RCN2: variants seen among roughly 807,000 people sequenced by gnomAD.
The protein encoded by RCN2 is reticulocalbin 2.
In RCN2, 23 loss-of-function variants were observed where a neutral mutation model predicts 37.5. The ratio of observed to expected loss-of-function variants is 0.61; its 90% CI spans 0.44 to 0.87. RCN2 has a LOEUF of 0.87. Among genes scored for constraint, RCN2 ranks in the 40% least tolerant of loss-of-function variants. The pLI is 0.00. For synonymous variants in RCN2, 140 were observed against 144.6 expected (o/e 0.97, Z 0.23); for missense variants, 381 against 390.4 (o/e 0.98, Z 0.20).
chr15:76,939,373 TGAA>T (rs941867272), intron 3 of RCN2, among the ~76,000 whole-genome samples: 5 of 152,116 alleles, frequency 3.3e-5, no homozygotes, highest in African/African-American at 4.8e-5. Flanking sequence ...AAAAGAATAT[TGAA>T]GAAAGCATTT....
intron 3 of RCN2, chr15:76,943,430 G>A: frequency 1.0e-5 from 2 of 197,504 alleles, no homozygotes; most frequent in African/African-American, 2.3e-5. Flanking sequence ...GTTTATTAAT[G>A]GTGTGGTAGG....
chr15:76,948,977 C>A, intron 6 of RCN2, 93 bp from the exon 7 acceptor site: 1 of 1,155,876 alleles, frequency 8.7e-7, no homozygotes, highest in Non-Finnish European at 1.2e-6. Context: ...ACTTGTACAC[C>A]TGGATGATTT....
At chr15:76,932,249 G>A in intron 1 of RCN2, 112 bp from the exon 2 acceptor site, 1 of 854,180 alleles carries the variant, frequency 1.2e-6, no homozygotes, top group Non-Finnish European at 1.9e-6. Flanking sequence ...GCAGGTGCGG[G>A]TCACCCCGAA....
chr15:76,944,432 T>C (rs928645542), intron 4 of RCN2, among the ~76,000 whole-genome samples: 1 of 152,192 alleles, frequency 6.6e-6, no homozygotes, highest in African/African-American at 2.4e-5. Context: ...CTACTGACTA[T>C]AGTCAACCCT....
At chr15:76,941,207 A>G (rs1369878610) in intron 3 of RCN2, among the ~76,000 whole-genome samples, 1 of 151,858 alleles carries the variant, frequency 6.6e-6, no homozygotes, top group Admixed American at 6.6e-5. Flanking sequence ...CTAATTTTTT[A>G]GTAGAGATGG....
chr15:76,949,316 C>A lies in RCN2; in HGVS notation c.*94C>A, dbSNP rs2075309578. ...AAATATTGATGTTGTATTTTACACT[C>A]TTAAGTCTTAACCACAGTCAGAATT... On this transcript the variant is annotated 3_prime_UTR_variant, in exon 7 of 7. Transcript: ENST00000394885. 2.3e-6 allele frequency: 2 copies of A among 866,628 alleles called. No homozygotes were observed. Among genetic ancestry groups the A allele is most frequent in the African/African-American group, 1.7e-5 (1 of 58,126 alleles). 53.7% of individuals were successfully genotyped at this position (866,628 alleles called of 1,614,324 possible).
chr15:76,947,306 G>A, intron 4 of RCN2, 115 bp from the exon 5 acceptor site: 1 of 642,798 alleles, frequency 1.6e-6, no homozygotes, highest in Non-Finnish European at 2.7e-6. Context: ...CACCACTAGA[G>A]CTCCAAAAAT....
intron 4 of RCN2, among the ~76,000 whole-genome samples, chr15:76,946,399 T>C (rs1458946472): frequency 1.3e-5 from 2 of 151,834 alleles, no homozygotes; most frequent in Non-Finnish European, 2.9e-5. Flanking sequence ...GATGCCACTA[T>C]TATTGTGCCA....
intron 3 of RCN2, chr15:76,938,731 ATG>A (rs2075263888): frequency 4.4e-6 from 2 of 455,778 alleles, no homozygotes; most frequent in Admixed American, 2.4e-5. Flanking sequence ...TACAGCATCA[ATG>A]TGGAGGTTTG....
intron 3 of RCN2, chr15:76,941,760 C>CT (rs368257080): frequency 0.13 from 68,194 of 545,510 alleles, 2 homozygotes; most frequent in East Asian, 0.18. Flanking sequence ...ACCCCCTTCA[C>CT]TTTTTTTTTT....
rs1384590956 is a variant in RCN2, at chr15:76,953,562, TA to T, written c.*4341del. 2.4e-3 allele frequency: 33 copies of T among 13,818 alleles called. No individual in the cohort carries two copies. Among genetic ancestry groups the T allele is most frequent in the African/African-American group, 0.011 (33 of 2,948 alleles). The allele number at this position is 13,818 out of a possible 1,614,324, so 0.9% of individuals were successfully genotyped here. The stretch of plus-strand genomic sequence containing the variant: ...CTGGATCATATAGTAATTCTATATA[TA>T]TATATATATATATATATATATATAT... On this transcript the variant is annotated 3_prime_UTR_variant, in exon 7 of 7. Coordinates refer to ENST00000394885, the MANE Select transcript of RCN2 (RefSeq NM_002902.3).
chr15:76,935,831 C>T, intron 3 of RCN2, 109 bp downstream of exon 3: 1 of 760,750 alleles, frequency 1.3e-6, no homozygotes, highest in Non-Finnish European at 2.1e-6. Context: ...TTGTCTTGTT[C>T]TCTAGGAAAT....
chr15:76,933,333 A>G (rs997905979), intron 2 of RCN2, among the ~76,000 whole-genome samples: 2 of 152,236 alleles, frequency 1.3e-5, no homozygotes, highest in East Asian at 3.8e-4. Flanking sequence ...GCTGGAGACA[A>G]TTAAAAACTG....
rs1324413100 is a variant in RCN2 at position 76,931,940 on chromosome 15, C to T, written c.99C>T (p.Gly33=). Residue 33 remains glycine, a synonymous_variant, in exon 1 of 7, where the codon GGC becomes GGT. Transcript: ENST00000394885. ...GKAEELHYPL[G]ERRSDYDREA... is the part of the protein sequence containing the mutation. ...CCGAGGAGCTGCACTACCCGCTGGG[C>T]GAGCGCCGCAGCGACTACGACCGCG... 1.5e-6 allele frequency: 2 copies of T among 1,299,256 alleles called. No homozygotes were observed. Among genetic ancestry groups the T allele is most frequent in the South Asian group, 4.4e-5 (2 of 44,994 alleles). 80.5% of individuals were successfully genotyped at this position (1,299,256 alleles called of 1,614,324 possible). A position where few individuals can be genotyped will look rare whatever the true frequency, so the allele number is the denominator to read the frequency against.
At chr15:76,947,366 G>A in intron 4 of RCN2, 55 bp from the exon 5 acceptor site, 1 of 1,076,720 alleles carries the variant, frequency 9.3e-7, no homozygotes, top group Non-Finnish European at 1.4e-6. Flanking sequence ...TCGGATGGCA[G>A]TGGGACTGAA....
In RCN2 at chr15:76,950,320, A is replaced by G. The variant is rs976727944; in HGVS notation, c.*1098A>G. On this transcript the variant is annotated 3_prime_UTR_variant, in exon 7 of 7. Coordinates refer to ENST00000394885, the MANE Select transcript of RCN2 (RefSeq NM_002902.3). ...CTTATTTAACTTTGGTGGAGGTGGG[A>G]TAGGGAAAAGTGAAGGGAGGAATTA... 3.3e-5 allele frequency: 5 copies of G among 151,288 alleles called. No homozygotes were observed. The highest frequency in any genetic ancestry group is 4.8e-5 in the African/African-American group (2 of 41,348). The allele number at this position is 151,288 out of a possible 1,614,324, so 9.4% of individuals were successfully genotyped here.
At chr15:76,940,115 T>C (rs950575290) in intron 3 of RCN2, among the ~76,000 whole-genome samples, 2 of 152,116 alleles carry the variant, frequency 1.3e-5, no homozygotes, top group Non-Finnish European at 2.9e-5. Flanking sequence ...GGTTATTTTT[T>C]TTTTTGACAG....
At position 76,931,965 on chromosome 15, in the gene RCN2, G is replaced by A. The variant is rs2075224901; in HGVS notation, c.124G>A (p.Glu42Lys). The change falls in exon 1 of 7, where the codon GAG (glutamate) becomes AAG (lysine). Residue 42 changes from glutamate to lysine, a missense_variant. Coordinates refer to ENST00000394885, the MANE Select transcript of RCN2 (RefSeq NM_002902.3). Reference protein sequence around the residue: ...LGERRSDYDREALLGVQEDVD... With the variant: ...LGERRSDYDRKALLGVQEDVD... The stretch of plus-strand genomic sequence containing the variant: ...CGAGCGCCGCAGCGACTACGACCGC[G>A]AGGCGCTGCTGGGCGTCCAGGTGAG... 7.9e-6 allele frequency: 10 copies of A among 1,272,724 alleles called. No homozygotes were observed. The highest frequency in any genetic ancestry group is 8.9e-6 in the Non-Finnish European group (9 of 1,014,508). 78.8% of individuals were successfully genotyped at this position (1,272,724 alleles called of 1,614,324 possible).
At position 76,951,579 on chromosome 15, in the gene RCN2, A is replaced by G. The variant is rs532872300; in HGVS notation, c.*2357A>G. 1 of 152,378 alleles carries G rather than the reference A, an allele frequency of 6.6e-6. No individual in the cohort carries two copies. Among genetic ancestry groups the G allele is most frequent in the African/African-American group, 2.4e-5 (1 of 41,594 alleles). 9.4% of individuals were successfully genotyped at this position (152,378 alleles called of 1,614,324 possible). A position where few individuals can be genotyped will look rare whatever the true frequency, so the allele number is the denominator to read the frequency against. ...AACAATAGGCTTTTAATAAGCATGC[A>G]GAGAAAAAGAATCATCTGCTTGAAC... On this transcript the variant is annotated 3_prime_UTR_variant, in exon 7 of 7. Coordinates refer to ENST00000394885, the MANE Select transcript of RCN2 (RefSeq NM_002902.3).
Sources: allele counts gnomAD v4.1 joint callset (sites outside exome capture counted in the v4.1 genomes callset), GRCh38; gene constraint gnomAD v4.1.1; transcripts MANE v1.5; gene names NCBI Gene and HGNC (gene_info 2026-07-23, HGNC 2026-07-21).